The following KCNH7 variants were observed in gnomAD, a reference collection of about 807,000 sequenced individuals.
The protein encoded by KCNH7 is potassium voltage-gated channel subfamily H member 7, also known as voltage-gated inwardly rectifying potassium channel KCNH7.
A neutral mutation model predicts 120.8 loss-of-function variants in KCNH7; 49 were observed. The ratio of observed to expected loss-of-function variants is 0.41; its 90% CI spans 0.32 to 0.51. The LOEUF is 0.51. Among genes scored for constraint, KCNH7 ranks in the 20% least tolerant of loss-of-function variants. KCNH7 has a pLI of 0.38. For missense variants in KCNH7, 1,097 were observed against 1,446.6 expected (o/e 0.76, Z 3.92); for synonymous variants, 547 against 516.1 (o/e 1.06, Z -0.81).
chr2:162,821,637 C>G lies in KCNH7; in HGVS notation c.307+14900G>C, dbSNP rs79912104. ...TGGAACAGTCCTGGTTTTTTCCTAT[C>G]CCCTTGGTACAATTTGTAAAAACTT... is the stretch of plus-strand genomic sequence containing the variant. On this transcript the variant is annotated intron_variant, in intron 2 of 15. Transcript: ENST00000332142. Among the ~76,000 whole-genome samples, 345 of 152,240 alleles carry G rather than the reference C, an allele frequency of 2.3e-3. 10 individuals are homozygous for G. In the East Asian group the frequency reaches 0.058, roughly 26 times the overall value.
intron 2 of KCNH7, among the ~76,000 whole-genome samples, chr2:162,568,657 G>T (rs1370528828): frequency 2.6e-5 from 4 of 151,900 alleles, no homozygotes; most frequent in Non-Finnish European, 4.4e-5. Context: ...ATCAAAGGAT[G>T]AAGTTAAAGC....
chr2:162,374,916 G>A (rs567747215), intron 14 of KCNH7, among the ~76,000 whole-genome samples: 5 of 152,192 alleles, frequency 3.3e-5, no homozygotes, highest in African/African-American at 1.2e-4. Flanking sequence ...GAAAAATTGA[G>A]TTATCAACTG....
At chr2:162,439,601 TTATTTTTAATG>T (rs2105534060) in intron 7 of KCNH7, among the ~76,000 whole-genome samples, 1 of 152,242 alleles carries the variant, frequency 6.6e-6, no homozygotes, top group East Asian at 1.9e-4. Context: ...TGTGAGATTT[TTATTTTTAATG>T]TATCTTGTCA....
At chr2:162,543,492 T>C (rs535443413) in intron 2 of KCNH7, among the ~76,000 whole-genome samples, 2 of 152,270 alleles carry the variant, frequency 1.3e-5, no homozygotes, top group African/African-American at 2.4e-5. Context: ...CTGGTTGTCA[T>C]ATTCATGTTC....
intron 2 of KCNH7, among the ~76,000 whole-genome samples, chr2:162,605,684 A>C (rs1437197668): frequency 1.3e-5 from 2 of 152,192 alleles, no homozygotes; most frequent in Non-Finnish European, 2.9e-5. Flanking sequence ...ATTCTGCTTC[A>C]GTGTGAATTC....
intron 2 of KCNH7, among the ~76,000 whole-genome samples, chr2:162,773,432 G>A (rs1683130770): frequency 6.6e-6 from 1 of 152,152 alleles, no homozygotes. Context: ...AGGTTGCAGT[G>A]AGCCGAGATC....
chr2:162,550,886 G>GATAATAATAATAATA (rs34251777), intron 2 of KCNH7, among the ~76,000 whole-genome samples: 103 of 147,894 alleles, frequency 7.0e-4, no homozygotes, highest in African/African-American at 2.3e-3. Context: ...AACTAGGCTA[G>GATAATAATAATAATA]ATAATAATAA....
intron 6 of KCNH7, among the ~76,000 whole-genome samples, chr2:162,467,563 T>C (rs1429035184): frequency 6.6e-6 from 1 of 152,176 alleles, no homozygotes; most frequent in African/African-American, 2.4e-5. Context: ...GAACACCCTT[T>C]AGAAGCAGGT....
intron 2 of KCNH7, among the ~76,000 whole-genome samples, chr2:162,661,676 G>T (rs1488734579): frequency 6.6e-6 from 1 of 151,856 alleles, no homozygotes. Context: ...AAAATGTCTC[G>T]GTAAGAAGCT....
chr2:162,722,957 A>G (rs1687381053), intron 2 of KCNH7, among the ~76,000 whole-genome samples: 1 of 150,684 alleles, frequency 6.6e-6, no homozygotes, highest in Admixed American at 6.6e-5. Flanking sequence ...TTCAGATCCA[A>G]AATTCTGTTT....
chr2:162,576,288 T>G (rs1292352609), intron 2 of KCNH7, among the ~76,000 whole-genome samples: 2 of 152,092 alleles, frequency 1.3e-5, no homozygotes, highest in Non-Finnish European at 2.9e-5. Flanking sequence ...ACAAGAATAA[T>G]TGCAGCTCTC....
At chr2:162,470,286 C>T (rs557997570) in intron 6 of KCNH7, among the ~76,000 whole-genome samples, 1,777 of 151,572 alleles carry the variant, frequency 0.012, 29 homozygotes, top group African/African-American at 0.041. Flanking sequence ...GCCCGCCCAT[C>T]GTCTGAGATG....
At chr2:162,439,572 T>A (rs1270250520) in intron 7 of KCNH7, among the ~76,000 whole-genome samples, 1 of 152,126 alleles carries the variant, frequency 6.6e-6, no homozygotes, top group African/African-American at 2.4e-5. Context: ...TTCCAAAATG[T>A]CACAGTAAAG....
chr2:162,468,119 T>C (rs1487909284), intron 6 of KCNH7, among the ~76,000 whole-genome samples: 2 of 152,178 alleles, frequency 1.3e-5, no homozygotes, highest in African/African-American at 4.8e-5. Flanking sequence ...CTTTGTCCTC[T>C]CCATCTGGGA....
At chr2:162,580,634 G>C (rs1473591462) in intron 2 of KCNH7, among the ~76,000 whole-genome samples, 1 of 152,072 alleles carries the variant, frequency 6.6e-6, no homozygotes, top group Non-Finnish European at 1.5e-5. Context: ...GGTTCCCTCT[G>C]AATATCATGT....
intron 2 of KCNH7, among the ~76,000 whole-genome samples, chr2:162,760,582 T>G (rs1055846885): frequency 6.6e-6 from 1 of 152,050 alleles, no homozygotes; most frequent in South Asian, 2.1e-4. Context: ...TTGAGTGAAG[T>G]AACATTAATG....
chr2:162,554,337 T>C (rs1423196999), intron 2 of KCNH7, among the ~76,000 whole-genome samples: 1 of 152,066 alleles, frequency 6.6e-6, no homozygotes, highest in African/African-American at 2.4e-5. Flanking sequence ...TTCTGGAAAA[T>C]ATAAACCACA....
chr2:162,762,994 G>A (rs1380174105), intron 2 of KCNH7, among the ~76,000 whole-genome samples: 1 of 151,962 alleles, frequency 6.6e-6, no homozygotes, highest in African/African-American at 2.4e-5. Flanking sequence ...ATGTCATCTT[G>A]AAAGTATTTT....
Position 162,443,712 on chromosome 2 carries a change from A to G in KCNH7, c.1554+2306T>C, listed in dbSNP as rs1258090277. Among the ~76,000 whole-genome samples the G allele has an allele frequency of 2.6e-5, 4 of 152,216 alleles. No homozygotes were observed. In the East Asian group the frequency reaches 7.7e-4, roughly 29 times the overall value. ...AGCCTGACTCTCCAGTCTGCAGATG[A>G]CAGCCTTTGCAGTCTTCAAAATGTC... On this transcript the variant is annotated intron_variant, in intron 7 of 15. Coordinates refer to ENST00000332142, the MANE Select transcript of KCNH7 (RefSeq NM_033272.4).
Sources: gnomAD v4.1 joint callset for allele counts (sites outside exome capture counted in the v4.1 genomes callset) on GRCh38, gnomAD v4.1.1 for gene constraint, MANE v1.5 for transcripts, NCBI Gene and HGNC (gene_info 2026-07-23, HGNC 2026-07-21) for gene names.